ANK2: variants seen among roughly 807,000 people sequenced by gnomAD.
The protein encoded by ANK2 is ankyrin-2.
ANK2 carries 83 observed loss-of-function variants against 360.5 expected under a neutral mutation model. The ratio of observed to expected loss-of-function variants is 0.23; its 90% CI spans 0.19 to 0.28. The LOEUF (loss-of-function observed/expected upper bound fraction) is 0.28. Ranked by LOEUF, ANK2 falls within the 10% of genes least tolerant of loss-of-function variation. The probability of loss-of-function intolerance (pLI) is 1.00; values close to 1 mark genes in which losing one functional copy is unlikely to be tolerated. For synonymous variants in ANK2, 1,740 were observed against 1,759.5 expected (o/e 0.99, Z 0.28); for missense variants, 4,201 against 4,795.7 (o/e 0.88, Z 3.66).
chr4:112,766,492 A>G, the ANK2 span, among the ~76,000 whole-genome samples: 2 of 152,178 alleles, frequency 1.3e-5, no homozygotes, highest in African/African-American at 4.8e-5. Flanking sequence ...TGAAAAGTCC[A>G]GGGGTATCTG....
intron 2 of ANK2, among the ~76,000 whole-genome samples, chr4:113,192,214 T>A (rs1272091570): frequency 6.6e-6 from 1 of 152,170 alleles, no homozygotes; most frequent in African/African-American, 2.4e-5. Flanking sequence ...TCCATTATCC[T>A]CCCTTAAAGT....
At chr4:113,070,190 T>TAAATTA (rs1343722551) in intron 1 of ANK2, 1 of 152,328 alleles carries the variant, frequency 6.6e-6, no homozygotes, top group African/African-American at 2.4e-5. Context: ...TCTCCAAATT[T>TAAATTA]AAATTAAAAT....
the ANK2 span, among the ~76,000 whole-genome samples, chr4:112,787,318 C>A: frequency 2.0e-5 from 3 of 151,860 alleles, no homozygotes; most frequent in African/African-American, 7.3e-5. Context: ...CCTTCTGCTA[C>A]TCCCCTCGAT....
intron 1 of ANK2, among the ~76,000 whole-genome samples, chr4:113,136,285 A>C (rs977512966): frequency 2.0e-5 from 3 of 152,206 alleles, no homozygotes; most frequent in African/African-American, 7.2e-5. Flanking sequence ...TTGGCCAGGC[A>C]GGGCTTCCAA....
At chr4:112,825,378 T>C (rs1009570004) in intron 1 of ANK2, among the ~76,000 whole-genome samples, 3 of 152,144 alleles carry the variant, frequency 2.0e-5, no homozygotes, top group Admixed American at 6.5e-5. Context: ...GACTATCCAC[T>C]GTCCTCAGTT....
intron 1 of ANK2, among the ~76,000 whole-genome samples, chr4:113,061,383 G>T (rs928179058): frequency 6.6e-6 from 1 of 152,064 alleles, no homozygotes; most frequent in Non-Finnish European, 1.5e-5. Flanking sequence ...CTTTTTCCCA[G>T]TAATAATTTA....
rs34667216 is a variant in ANK2, at chr4:113,149,874, CAAAAAA to C, written c.85-24521_85-24516del. On this transcript the variant is annotated intron_variant, in intron 1 of 45. Coordinates refer to ENST00000357077, the MANE Select transcript of ANK2 (RefSeq NM_001148.6). ...CTTGCGTGAGAGTGAGACCCTGCCT[CAAAAAA>C]AAAAAAAAAAAAAAAAAAAAGAAAG... Among the ~76,000 whole-genome samples, 261 of 31,408 alleles carry C rather than the reference CAAAAAA, an allele frequency of 8.3e-3. 2 individuals carry two copies. Among genetic ancestry groups the C allele is most frequent in the African/African-American group, 0.031 (242 of 7,798 alleles). 20.6% of individuals were successfully genotyped at this position (31,408 alleles called of 152,430 possible).
intron 5 of ANK2, among the ~76,000 whole-genome samples, chr4:113,234,818 A>G (rs1467670400): frequency 6.6e-6 from 1 of 152,244 alleles, no homozygotes; most frequent in Non-Finnish European, 1.5e-5. Flanking sequence ...TCCCATAATT[A>G]TGGCACTTAG....
At chr4:112,718,397 C>G in the ANK2 span, among the ~76,000 whole-genome samples, 4 of 152,228 alleles carry the variant, frequency 2.6e-5, no homozygotes, top group Non-Finnish European at 5.9e-5. Context: ...TCACTGCAAC[C>G]TCTGCCTCCC....
At chr4:112,874,555 T>C (rs897472396) in intron 1 of ANK2, among the ~76,000 whole-genome samples, 1 of 145,686 alleles carries the variant, frequency 6.9e-6, no homozygotes, top group East Asian at 2.1e-4. Context: ...GGCAGGAGAA[T>C]CGCTTGAATG....
chr4:113,275,569 G>T (rs2059921884), intron 15 of ANK2, among the ~76,000 whole-genome samples: 2 of 152,284 alleles, frequency 1.3e-5, no homozygotes, highest in South Asian at 4.1e-4. Context: ...CTTGTAAGTA[G>T]GAGCAGCCCA....
At chr4:113,221,470 G>A (rs1488751221) in intron 4 of ANK2, among the ~76,000 whole-genome samples, 1 of 152,006 alleles carries the variant, frequency 6.6e-6, no homozygotes, top group African/African-American at 2.4e-5. Context: ...GACCATCCTG[G>A]CCAACATGGT....
intron 1 of ANK2, among the ~76,000 whole-genome samples, chr4:113,055,842 T>G (rs532429148): frequency 5.4e-4 from 83 of 152,300 alleles, no homozygotes; most frequent in Non-Finnish European, 8.5e-4. Context: ...GGTAGTCTTC[T>G]GTGTCTCTTG....
intron 35 of ANK2, chr4:113,347,682 C>A (rs988737785): frequency 2.6e-5 from 4 of 153,278 alleles, no homozygotes; most frequent in African/African-American, 9.7e-5. Flanking sequence ...TATTTAGTAG[C>A]TCTTGGCTGG....
At chr4:113,142,295 G>A (rs10021192) in intron 1 of ANK2, among the ~76,000 whole-genome samples, 78,260 of 152,004 alleles carry the variant, frequency 0.51, 20,335 homozygotes, top group Admixed American at 0.59. Context: ...AGCCACCCTT[G>A]GTTAACCACT....
intron 2 of ANK2, among the ~76,000 whole-genome samples, chr4:112,918,257 G>A (rs1664618202): frequency 6.6e-6 from 1 of 152,130 alleles, no homozygotes; most frequent in Non-Finnish European, 1.5e-5. Context: ...TGCTCCTGAG[G>A]TGATGGTTGA....
chr4:112,772,370 A>AT, the ANK2 span, among the ~76,000 whole-genome samples: 3 of 152,176 alleles, frequency 2.0e-5, no homozygotes, highest in Non-Finnish European at 4.4e-5. Flanking sequence ...TCATGATTCA[A>AT]TTATCTTCCA....
rs1452239603 is a variant in ANK2, at chr4:112,880,043, G to GACACTC, written c.-39-24407_-39-24402dup. Among the ~76,000 whole-genome samples, 3 of 147,804 alleles carry GACACTC rather than the reference G, an allele frequency of 2.0e-5. No individual in the cohort carries two copies. In the South Asian group the frequency reaches 6.4e-4, roughly 31 times the overall value. On this transcript the variant is annotated intron_variant, in intron 1 of 30. Coordinates refer to the ANK2 transcript ENST00000503271. ...TATGTTTTTAACCCAGTAGGACACA[G>GACACTC]ACACTCACACACACACACACTCTCT...
intron 2 of ANK2, chr4:113,033,716 T>A (rs1252601499): frequency 2.0e-5 from 3 of 151,950 alleles, no homozygotes; most frequent in African/African-American, 7.2e-5. Context: ...TGTATGCAAC[T>A]CTTTATGATA....
Sources: gnomAD v4.1 joint callset for allele counts (sites outside exome capture counted in the v4.1 genomes callset) on GRCh38, gnomAD v4.1.1 for gene constraint, MANE v1.5 for transcripts, NCBI Gene and HGNC (gene_info 2026-07-23, HGNC 2026-07-21) for gene names.